SNTB1: variants seen among roughly 807,000 people sequenced by gnomAD.
The protein encoded by SNTB1 is syntrophin beta 1.
A neutral mutation model predicts 48.9 loss-of-function variants in SNTB1; 36 were observed. That is an observed-to-expected ratio of 0.74 (90% CI 0.56 to 0.97). The LOEUF (loss-of-function observed/expected upper bound fraction) is 0.97. Among genes scored for constraint, SNTB1 ranks in the 50% least tolerant of loss-of-function variants. The pLI, the probability that SNTB1 is intolerant of heterozygous loss-of-function variation, is 0.00. For missense variants in SNTB1, 786 were observed against 703.4 expected, an observed-to-expected ratio of 1.12 and a Z score of -1.33; for synonymous variants, 299 against 294.6, an observed-to-expected ratio of 1.01 and a Z score of -0.15.
At chr8:120,748,261 A>C (rs1375330821) in intron 1 of SNTB1, among the ~76,000 whole-genome samples, 1 of 152,154 alleles carries the variant, frequency 6.6e-6, no homozygotes, top group East Asian at 1.9e-4. Context: ...TAGATCAGGA[A>C]GTTGTTTGTT....
chr8:120,665,947 C>T (rs1416030709), intron 2 of SNTB1, among the ~76,000 whole-genome samples: 3 of 152,092 alleles, frequency 2.0e-5, no homozygotes, highest in Admixed American at 6.5e-5. Context: ...TGTCAATACC[C>T]CACTGTTTTG....
chr8:120,599,524 T>C (rs961675867), intron 3 of SNTB1, among the ~76,000 whole-genome samples: 9 of 152,248 alleles, frequency 5.9e-5, no homozygotes, highest in African/African-American at 1.4e-4. Flanking sequence ...GTTTTGACAA[T>C]GATAAATGCT....
rs770832371 is a variant in SNTB1, at chr8:120,811,500, A to T, written c.344T>A (p.Val115Glu). Residue 115 changes from valine to glutamate, a missense_variant, in exon 1 of 7, where the codon GTG becomes GAG. By Grantham distance (121) the Val-to-Glu change is moderately radical. Coordinates refer to ENST00000517992, the MANE Select transcript of SNTB1 (RefSeq NM_021021.4). ...CAGCCCGCCCAGCTCCTGCTTCAGC[A>T]CCTTCACGCCACGCTTCTGGTTCGA... ...SISNQKRGVK[V>E]LKQELGGLGI... The T allele has an allele frequency of 6.2e-7, 1 of 1,613,480 alleles. No homozygotes were observed. The highest frequency in any genetic ancestry group is 8.5e-7 in the Non-Finnish European group (1 of 1,179,772).
chr8:120,674,971 G>A (rs1394682839), intron 2 of SNTB1, among the ~76,000 whole-genome samples: 2 of 152,196 alleles, frequency 1.3e-5, no homozygotes, highest in South Asian at 2.1e-4. Context: ...TAGTTTTGCT[G>A]AGGCAAACAG....
intron 1 of SNTB1, among the ~76,000 whole-genome samples, chr8:120,764,256 G>A (rs1819477791): frequency 6.6e-6 from 1 of 152,146 alleles, no homozygotes; most frequent in African/African-American, 2.4e-5. Flanking sequence ...CTAGCCAGCT[G>A]TTAAAAACAA....
chr8:120,794,642 A>C (rs992554044), intron 1 of SNTB1, among the ~76,000 whole-genome samples: 1 of 152,040 alleles, frequency 6.6e-6, no homozygotes, highest in African/African-American at 2.4e-5. Context: ...TAAGTGCTTT[A>C]GGTTATTTGG....
At chr8:120,792,443 C>T (rs751198915) in intron 1 of SNTB1, among the ~76,000 whole-genome samples, 46 of 151,928 alleles carry the variant, frequency 3.0e-4, no homozygotes, top group Non-Finnish European at 4.6e-4. Context: ...CAGACTTCAC[C>T]ACTATAAAAT....
intron 1 of SNTB1, among the ~76,000 whole-genome samples, chr8:120,811,065 G>C (rs1563610530): frequency 6.6e-6 from 1 of 152,064 alleles, no homozygotes; most frequent in Non-Finnish European, 1.5e-5. Flanking sequence ...GCGGGCTGGA[G>C]ACAAATTGCC....
At chr8:120,651,122 T>C (rs1349184138) in intron 2 of SNTB1, among the ~76,000 whole-genome samples, 4 of 152,190 alleles carry the variant, frequency 2.6e-5, no homozygotes, top group African/African-American at 9.7e-5. Context: ...TTTCCAAATT[T>C]GTGCACAATA....
chr8:120,722,036 G>C (rs931237818), intron 1 of SNTB1, among the ~76,000 whole-genome samples: 1 of 152,108 alleles, frequency 6.6e-6, no homozygotes, highest in African/African-American at 2.4e-5. Context: ...ATGGTTTCCA[G>C]CTTCATCCAT....
intron 2 of SNTB1, among the ~76,000 whole-genome samples, chr8:120,641,568 G>A (rs1245898145): frequency 1.3e-5 from 2 of 152,188 alleles, no homozygotes; most frequent in Non-Finnish European, 2.9e-5. Context: ...CAGAGGTACA[G>A]GTTGGTGTTG....
intron 1 of SNTB1, among the ~76,000 whole-genome samples, chr8:120,751,191 A>G (rs908430640): frequency 1.3e-5 from 2 of 152,160 alleles, no homozygotes; most frequent in Non-Finnish European, 1.5e-5. Flanking sequence ...AAGTTATCTC[A>G]GGAGAGGGAA....
chr8:120,785,437 C>G (rs1819908305), intron 1 of SNTB1, among the ~76,000 whole-genome samples: 1 of 152,190 alleles, frequency 6.6e-6, no homozygotes, highest in African/African-American at 2.4e-5. Context: ...TGCGTGGGAG[C>G]TGAGTGCAGC....
chr8:120,664,509 T>G (rs1378101307), intron 2 of SNTB1, among the ~76,000 whole-genome samples: 1 of 152,242 alleles, frequency 6.6e-6, no homozygotes, highest in Admixed American at 6.5e-5. Flanking sequence ...TCTAGAATTT[T>G]AATAAATAAA....
intron 2 of SNTB1, chr8:120,635,963 C>A: frequency 1.8e-6 from 1 of 557,466 alleles, no homozygotes; most frequent in Non-Finnish European, 3.0e-6. Context: ...TTCAGATATG[C>A]CCTCTCCTTT....
chr8:120,584,547 G>A (rs538263914), intron 3 of SNTB1, among the ~76,000 whole-genome samples: 1 of 151,990 alleles, frequency 6.6e-6, no homozygotes, highest in East Asian at 1.9e-4. Flanking sequence ...AAAGCTGGTG[G>A]TTTAAAAATC....
At chr8:120,726,631 G>GA (rs1265868493) in intron 1 of SNTB1, among the ~76,000 whole-genome samples, 5 of 152,024 alleles carry the variant, frequency 3.3e-5, no homozygotes, top group Non-Finnish European at 7.4e-5. Context: ...TGGTACATGG[G>GA]AAAAAAATAC....
In SNTB1 at chr8:120,701,112, TA is replaced by T. The variant is rs1168847428; in HGVS notation, c.572-7205del. ...TGGGAATTGCCAACAAAATGCAATA[TA>T]AGATTTACCCTCAATGGCATTTTCC... On this transcript the variant is annotated intron_variant, in intron 1 of 6. Coordinates refer to ENST00000517992, the MANE Select transcript of SNTB1 (RefSeq NM_021021.4). Among the ~76,000 whole-genome samples, 7 of 152,270 alleles carry T rather than the reference TA, an allele frequency of 4.6e-5. No homozygotes were observed. The East Asian group carries it at 1.4e-3, about 29-fold the overall frequency.
intron 3 of SNTB1, among the ~76,000 whole-genome samples, chr8:120,577,066 G>C (rs1211698399): frequency 6.6e-6 from 1 of 152,174 alleles, no homozygotes; most frequent in Non-Finnish European, 1.5e-5. Context: ...ACAAGGCAAT[G>C]ACTTTCCTTG....
Sources: allele counts gnomAD v4.1 joint callset (sites outside exome capture counted in the v4.1 genomes callset), GRCh38; gene constraint gnomAD v4.1.1; transcripts MANE v1.5; gene names NCBI Gene and HGNC (gene_info 2026-07-23, HGNC 2026-07-21).